The following AUTS2 variants were observed in gnomAD, a reference collection of about 807,000 sequenced individuals.
AUTS2 encodes the protein autism susceptibility gene 2 protein.
Under a neutral mutation model 112.4 loss-of-function variants are expected in AUTS2, and 17 were observed. That is an observed-to-expected ratio of 0.15 (90% CI 0.10 to 0.23). AUTS2 has a LOEUF of 0.23. Among genes scored for constraint, AUTS2 ranks in the 10% least tolerant of loss-of-function variants. The probability of loss-of-function intolerance (pLI) is 1.00; values close to 1 mark genes in which losing one functional copy is unlikely to be tolerated. For missense variants in AUTS2, 1,510 were observed against 1,701.6 expected (o/e 0.89, Z 1.98); for synonymous variants, 751 against 702.7 (o/e 1.07, Z -1.09).
At chr7:69,880,040 G>A (rs1562946509) in intron 1 of AUTS2, among the ~76,000 whole-genome samples, 1 of 152,184 alleles carries the variant, frequency 6.6e-6, no homozygotes, top group Non-Finnish European at 1.5e-5. Context: ...AAAGAAAAGA[G>A]GTTTAATTGT....
At chr7:70,465,294 G>C (rs1217398100) in intron 5 of AUTS2, among the ~76,000 whole-genome samples, 1 of 152,182 alleles carries the variant, frequency 6.6e-6, no homozygotes, top group East Asian at 1.9e-4. Flanking sequence ...TGTCCCAGTG[G>C]TGTCTCTTCA....
At chr7:69,812,778 A>G (rs1434084792) in intron 1 of AUTS2, among the ~76,000 whole-genome samples, 1 of 152,048 alleles carries the variant, frequency 6.6e-6, no homozygotes, top group African/African-American at 2.4e-5. Flanking sequence ...GTTAACAAGC[A>G]CTGAGGGCTG....
At chr7:70,656,539 A>G (rs1806778971) in intron 5 of AUTS2, among the ~76,000 whole-genome samples, 1 of 152,216 alleles carries the variant, frequency 6.6e-6, no homozygotes, top group African/African-American at 2.4e-5. Flanking sequence ...ATAGTTTACA[A>G]AGCACTTTCA....
intron 1 of AUTS2, among the ~76,000 whole-genome samples, chr7:69,736,015 A>G (rs1467619282): frequency 1.3e-5 from 2 of 152,166 alleles, no homozygotes; most frequent in Non-Finnish European, 2.9e-5. Flanking sequence ...TTTGTTTCCT[A>G]TAGTGCTGGA....
At chr7:69,614,567 C>T (rs1156360377) in intron 1 of AUTS2, among the ~76,000 whole-genome samples, 1 of 151,660 alleles carries the variant, frequency 6.6e-6, no homozygotes, top group Non-Finnish European at 1.5e-5. Flanking sequence ...CCCAGGCATT[C>T]TCAAACTCCT....
At chr7:70,226,556 T>G (rs574958500) in intron 4 of AUTS2, among the ~76,000 whole-genome samples, 1 of 152,138 alleles carries the variant, frequency 6.6e-6, no homozygotes, top group South Asian at 2.1e-4. Flanking sequence ...TGCTTTTTGC[T>G]GTATTCAGGC....
intron 5 of AUTS2, among the ~76,000 whole-genome samples, chr7:70,672,901 AG>A (rs1270692609): frequency 6.6e-6 from 1 of 152,196 alleles, no homozygotes; most frequent in Non-Finnish European, 1.5e-5. Context: ...ATGTCCGGCC[AG>A]GACACGTGAT....
At chr7:70,306,672 A>G (rs1396314849) in intron 4 of AUTS2, among the ~76,000 whole-genome samples, 1 of 152,238 alleles carries the variant, frequency 6.6e-6, no homozygotes, top group African/African-American at 2.4e-5. Flanking sequence ...CTTTCAGTCT[A>G]GTTTTTACAA....
chr7:70,628,749 G>A (rs1563086500), intron 5 of AUTS2, among the ~76,000 whole-genome samples: 1 of 152,142 alleles, frequency 6.6e-6, no homozygotes, highest in Non-Finnish European at 1.5e-5. Context: ...GATGATCAGG[G>A]CCAGAATTAA....
At chr7:70,696,726 C>T (rs1349802436) in intron 5 of AUTS2, among the ~76,000 whole-genome samples, 1 of 152,120 alleles carries the variant, frequency 6.6e-6, no homozygotes, top group African/African-American at 2.4e-5. Context: ...GGTCAGGAAC[C>T]ATTTACTTTC....
intron 2 of AUTS2, among the ~76,000 whole-genome samples, chr7:70,039,445 C>T (rs1024683747): frequency 6.6e-6 from 1 of 152,108 alleles, no homozygotes; most frequent in East Asian, 1.9e-4. Context: ...TCACTGCAAC[C>T]TCTGCCCCCT....
At position 70,021,851 on chromosome 7, in the gene AUTS2, A is replaced by C. The variant is rs181380886; in HGVS notation, c.523-96281A>C. ...GGAAAGGAAATGTAGATTCAAATAC[A>C]CAGGTTTATCTCTCTGACCTTTAGC... On this transcript the variant is annotated intron_variant, in intron 2 of 18. Coordinates refer to ENST00000342771, the MANE Select transcript of AUTS2 (RefSeq NM_015570.4). Among the ~76,000 whole-genome samples, 1,320 of 152,278 alleles carry C rather than the reference A, an allele frequency of 8.7e-3. 12 individuals are homozygous for C. Among genetic ancestry groups the C allele is most frequent in the Middle Eastern group, 0.027 (8 of 294 alleles).
At chr7:70,435,909 G>T in intron 5 of AUTS2, 128 bp downstream of exon 5, 1 of 957,830 alleles carries the variant, frequency 1.0e-6, no homozygotes. Flanking sequence ...TAGGAAAGAT[G>T]GGCATTATTC....
intron 5 of AUTS2, among the ~76,000 whole-genome samples, chr7:70,519,399 T>C (rs1585247333): frequency 6.6e-6 from 1 of 152,214 alleles, no homozygotes; most frequent in African/African-American, 2.4e-5. Context: ...TAAAAATGTA[T>C]TGGATGGAAT....
At chr7:70,185,433 G>A (rs1338746785) in intron 4 of AUTS2, among the ~76,000 whole-genome samples, 1 of 151,864 alleles carries the variant, frequency 6.6e-6, no homozygotes, top group Non-Finnish European at 1.5e-5. Flanking sequence ...TTTTCTGACA[G>A]TAACTAAGAA....
chr7:69,989,433 C>T (rs1315895747), intron 2 of AUTS2, among the ~76,000 whole-genome samples: 1 of 152,038 alleles, frequency 6.6e-6, no homozygotes, highest in Non-Finnish European at 1.5e-5. Context: ...AAAAATTGAG[C>T]TTTTTAGAGC....
intron 2 of AUTS2, among the ~76,000 whole-genome samples, chr7:70,090,103 C>T (rs895896522): frequency 6.6e-6 from 1 of 151,270 alleles, no homozygotes; most frequent in Admixed American, 6.6e-5. Context: ...TCCATTTTAT[C>T]TCCTTTCTTG....
At chr7:69,732,170 T>C (rs1562844408) in intron 1 of AUTS2, among the ~76,000 whole-genome samples, 1 of 152,102 alleles carries the variant, frequency 6.6e-6, no homozygotes, top group Non-Finnish European at 1.5e-5. Flanking sequence ...CTGGGTGCTG[T>C]GCCAGGCTAA....
chr7:69,924,207 CT>C (rs1475205392), intron 2 of AUTS2, among the ~76,000 whole-genome samples: 2 of 151,708 alleles, frequency 1.3e-5, no homozygotes, highest in Non-Finnish European at 2.9e-5. Flanking sequence ...TATGATTTTT[CT>C]TTTTTTGTTT....
Sources: allele counts gnomAD v4.1 joint callset (sites outside exome capture counted in the v4.1 genomes callset), GRCh38; gene constraint gnomAD v4.1.1; transcripts MANE v1.5; gene names NCBI Gene and HGNC (gene_info 2026-07-23, HGNC 2026-07-21).